FRMD3: variants seen among roughly 807,000 people sequenced by gnomAD.
FRMD3 encodes the protein FERM domain containing 3, also known as FERM domain-containing protein 3.
FRMD3 carries 33 observed loss-of-function variants against 70.2 expected under a neutral mutation model. The ratio of observed to expected loss-of-function variants is 0.47; its 90% CI spans 0.36 to 0.63. The LOEUF (loss-of-function observed/expected upper bound fraction) is 0.63, where lower values mean the gene tolerates loss of function less well. FRMD3 is among the 20% of genes least tolerant of loss of function. The pLI is 0.00. For synonymous variants in FRMD3, 279 were observed against 255.9 expected (o/e 1.09, Z -0.86); for missense variants, 632 against 711.4 (o/e 0.89, Z 1.27).
chr9:83,263,002 G>T (rs1833058520), intron 13 of FRMD3, among the ~76,000 whole-genome samples: 1 of 152,104 alleles, frequency 6.6e-6, no homozygotes, highest in African/African-American at 2.4e-5. Context: ...GAGGGGAGGG[G>T]GCCTGAGGGG....
intron 13 of FRMD3, among the ~76,000 whole-genome samples, chr9:83,268,348 T>A (rs1535746): frequency 6.6e-6 from 1 of 152,130 alleles, no homozygotes; most frequent in East Asian, 1.9e-4. Context: ...AATACATGGA[T>A]TTTTATAGCT....
chr9:83,292,220 G>A (rs904050237), intron 12 of FRMD3, among the ~76,000 whole-genome samples: 5 of 149,588 alleles, frequency 3.3e-5, no homozygotes, highest in East Asian at 2.0e-4. Context: ...GTGCAGTGGT[G>A]CAATCTCGGC....
At chr9:83,571,372 G>T in the FRMD3 span, among the ~76,000 whole-genome samples, 1 of 152,058 alleles carries the variant, frequency 6.6e-6, no homozygotes, top group Admixed American at 6.5e-5. Flanking sequence ...TATAAATTAC[G>T]GAGTCTCTGG....
At chr9:83,478,277 T>C (rs938394058) in intron 1 of FRMD3, among the ~76,000 whole-genome samples, 3 of 152,176 alleles carry the variant, frequency 2.0e-5, no homozygotes, top group African/African-American at 7.2e-5. Context: ...TCAGTTGTTT[T>C]CCTATGGGCT....
At chr9:83,463,249 C>A (rs1034236409) in intron 1 of FRMD3, among the ~76,000 whole-genome samples, 6 of 152,274 alleles carry the variant, frequency 3.9e-5, no homozygotes, top group Non-Finnish European at 7.4e-5. Context: ...TAGTTTCTCC[C>A]TGTCTCTCAA....
intron 1 of FRMD3, among the ~76,000 whole-genome samples, chr9:83,415,592 A>C (rs7027592): frequency 6.8e-6 from 1 of 146,678 alleles, no homozygotes. Flanking sequence ...ACAGGTGCCC[A>C]CCACCACGAC....
intron 13 of FRMD3, among the ~76,000 whole-genome samples, chr9:83,263,095 C>T (rs751990162): frequency 5.3e-5 from 8 of 152,136 alleles, no homozygotes; most frequent in Non-Finnish European, 8.8e-5. Flanking sequence ...ATTGTTGTAA[C>T]TGAAAGAAAC....
chr9:83,488,845 A>T (rs1828744743), intron 1 of FRMD3, among the ~76,000 whole-genome samples: 1 of 152,214 alleles, frequency 6.6e-6, no homozygotes, highest in Non-Finnish European at 1.5e-5. Flanking sequence ...CACATTAAAT[A>T]ATGAAGAAAA....
intron 6 of FRMD3, among the ~76,000 whole-genome samples, chr9:83,325,039 C>G (rs914503651): frequency 6.6e-6 from 1 of 152,182 alleles, no homozygotes; most frequent in African/African-American, 2.4e-5. Context: ...GCAGATGGAA[C>G]TGGAGGCCAT....
chr9:83,283,933 A>G (rs1477526321), intron 13 of FRMD3, among the ~76,000 whole-genome samples: 1 of 152,204 alleles, frequency 6.6e-6, no homozygotes, highest in African/African-American at 2.4e-5. Context: ...TTTCCACATT[A>G]AACAAACAAA....
chr9:83,518,980 C>A (rs536179898), intron 1 of FRMD3, among the ~76,000 whole-genome samples: 16 of 152,168 alleles, frequency 1.1e-4, no homozygotes, highest in Admixed American at 6.5e-5. Context: ...ACACCTTATA[C>A]AAAAATTAAC....
At chr9:83,342,829 C>T (rs1288348970) in intron 5 of FRMD3, among the ~76,000 whole-genome samples, 2 of 152,148 alleles carry the variant, frequency 1.3e-5, no homozygotes, top group East Asian at 3.8e-4. Flanking sequence ...TCCATTAGGC[C>T]TCTCACCTAG....
chr9:83,343,353 T>C (rs1823839317), intron 4 of FRMD3, 66 bp from the exon 5 acceptor site: 2 of 1,105,932 alleles, frequency 1.8e-6, no homozygotes, highest in Non-Finnish European at 2.8e-6. Flanking sequence ...GTAGGATTGT[T>C]CATGCTTAGC....
At chr9:83,292,954 C>T (rs1355651186) in intron 12 of FRMD3, among the ~76,000 whole-genome samples, 1 of 152,176 alleles carries the variant, frequency 6.6e-6, no homozygotes, top group Admixed American at 6.6e-5. Flanking sequence ...CACATGACTC[C>T]TTTATGTGCT....
intron 13 of FRMD3, 90 bp downstream of exon 13, chr9:83,290,513 A>G (rs937307336): frequency 2.1e-6 from 3 of 1,439,312 alleles, no homozygotes; most frequent in African/African-American, 2.8e-5. Context: ...ACACTAATCA[A>G]TTACCCATCA....
At chr9:83,297,775 CAA>C (rs755844184) in intron 12 of FRMD3, 4 of 471,720 alleles carry the variant, frequency 8.5e-6, no homozygotes, top group Non-Finnish European at 1.8e-5. Flanking sequence ...AGCTCCTCAC[CAA>C]GTCACCCCAA....
the FRMD3 span, among the ~76,000 whole-genome samples, chr9:83,561,398 A>C: frequency 7.9e-5 from 12 of 152,280 alleles, no homozygotes; most frequent in East Asian, 2.3e-3. Flanking sequence ...TCTTCATTCA[A>C]CAATCATTTA....
At chr9:83,342,043 ATC>A (rs112748690) in intron 5 of FRMD3, among the ~76,000 whole-genome samples, 1,526 of 139,644 alleles carry the variant, frequency 0.011, 6 homozygotes, top group East Asian at 0.024. Context: ...TGACATAGTC[ATC>A]TCTCTCTCTC....
chr9:83,415,660 C>T (rs1285000273), intron 1 of FRMD3, among the ~76,000 whole-genome samples: 1 of 139,034 alleles, frequency 7.2e-6, no homozygotes, highest in African/African-American at 2.7e-5. Context: ...CAGAGTTTCA[C>T]TGTGTTAGCC....
Sources: gnomAD v4.1 joint callset for allele counts (sites outside exome capture counted in the v4.1 genomes callset) on GRCh38, gnomAD v4.1.1 for gene constraint, MANE v1.5 for transcripts, NCBI Gene and HGNC (gene_info 2026-07-23, HGNC 2026-07-21) for gene names.